LIMS1: variants seen among roughly 807,000 people sequenced by gnomAD.
The protein encoded by LIMS1 is LIM and senescent cell antigen-like-containing domain protein 1.
Under a neutral mutation model 44.1 loss-of-function variants are expected in LIMS1, and 18 were observed. The observed-to-expected ratio is 0.41, with a 90% CI of 0.28 to 0.61. LIMS1 has a LOEUF of 0.61. LIMS1 is among the 20% of genes least tolerant of loss of function. The probability of loss-of-function intolerance (pLI) is 0.32; values close to 1 mark genes in which losing one functional copy is unlikely to be tolerated. For synonymous variants in LIMS1, 93 were observed against 149.1 expected, an observed-to-expected ratio of 0.62 and a Z score of 2.74; for missense variants, 201 against 422.0, an observed-to-expected ratio of 0.48 and a Z score of 4.59.
chr2:108,659,170 T>C (rs2148966562), intron 1 of LIMS1: 2 of 964,024 alleles, frequency 2.1e-6, no homozygotes, highest in Non-Finnish European at 1.2e-6. Context: ...TGGCATTTAG[T>C]TGACATGCAT....
In LIMS1 at chr2:108,537,932, C is replaced by G. The variant is rs143026321; in HGVS notation, c.32+3338C>G. On this transcript the variant is annotated intron_variant, in intron 1 of 9. Coordinates refer to ENST00000544547, the Ensembl canonical transcript of LIMS1. ...GAGCCGAGCTTTACTCTGAAAGCCTCTATTTTCAATAATGTTGTGTTTGCT... is the reference window on the plus strand; with the variant it reads ...GAGCCGAGCTTTACTCTGAAAGCCTGTATTTTCAATAATGTTGTGTTTGCT... 5.0e-3 allele frequency among the ~76,000 whole-genome samples: 760 copies of G among 152,218 alleles called. 6 individuals are homozygous for G. The highest frequency in any genetic ancestry group is 7.6e-3 in the Non-Finnish European group (515 of 68,000).
intron 1 of LIMS1, among the ~76,000 whole-genome samples, chr2:108,613,302 G>C (rs1307548407): frequency 6.6e-6 from 1 of 152,134 alleles, no homozygotes; most frequent in Non-Finnish European, 1.5e-5. Flanking sequence ...TTTATTATTA[G>C]AGTCAAAGTA....
intron 1 of LIMS1, chr2:108,658,990 T>TGCATAATAAA: frequency 6.6e-6 from 1 of 152,314 alleles, no homozygotes; most frequent in East Asian, 1.9e-4. Flanking sequence ...ATGATCTTTA[T>TGCATAATAAA]TATGTAAAAT....
At chr2:108,590,591 C>T (rs950935489) in intron 1 of LIMS1, among the ~76,000 whole-genome samples, 1 of 152,210 alleles carries the variant, frequency 6.6e-6, no homozygotes, top group Admixed American at 6.5e-5. Context: ...GAACCCCCTT[C>T]AATTCTAAGA....
chr2:108,661,643 C>A (rs1397121615), intron 2 of LIMS1, among the ~76,000 whole-genome samples: 5 of 151,990 alleles, frequency 3.3e-5, no homozygotes, highest in Non-Finnish European at 5.9e-5. Context: ...ATAGGAAATC[C>A]CTAGGTGCTG....
At chr2:108,647,510 A>ACG (rs1690154838) in intron 1 of LIMS1, among the ~76,000 whole-genome samples, 1 of 152,210 alleles carries the variant, frequency 6.6e-6, no homozygotes, top group Admixed American at 6.5e-5. Flanking sequence ...AGACACAACA[A>ACG]AAAAAGAAAA....
intron 1 of LIMS1, among the ~76,000 whole-genome samples, chr2:108,562,388 G>C (rs2104613995): frequency 6.6e-6 from 1 of 152,318 alleles, no homozygotes; most frequent in East Asian, 1.9e-4. Context: ...TCTTGCACCA[G>C]TTAGCCAAGT....
chr2:108,644,720 C>T (rs1689945979), intron 1 of LIMS1, among the ~76,000 whole-genome samples: 1 of 151,968 alleles, frequency 6.6e-6, no homozygotes, highest in Non-Finnish European at 1.5e-5. Flanking sequence ...GGAACATGTG[C>T]TAACCCAATG....
chr2:108,546,694 A>G (rs1268284593), intron 1 of LIMS1, among the ~76,000 whole-genome samples: 1 of 137,446 alleles, frequency 7.3e-6, no homozygotes, highest in African/African-American at 2.9e-5. Context: ...TTTTTTTTTT[A>G]AAGACAATGG....
intron 1 of LIMS1, among the ~76,000 whole-genome samples, chr2:108,644,348 C>T (rs1346755461): frequency 6.6e-6 from 1 of 152,200 alleles, no homozygotes; most frequent in Non-Finnish European, 1.5e-5. Flanking sequence ...GATACCCAGG[C>T]AAACAGGGTC....
At chr2:108,536,024 A>G (rs1257868331) in intron 1 of LIMS1, among the ~76,000 whole-genome samples, 1 of 152,232 alleles carries the variant, frequency 6.6e-6, no homozygotes, top group Non-Finnish European at 1.5e-5. Context: ...CCTTAAAAAA[A>G]AGTATTGACT....
chr2:108,551,275 C>T (rs1289682630), intron 1 of LIMS1, among the ~76,000 whole-genome samples: 2 of 148,130 alleles, frequency 1.4e-5, no homozygotes, highest in African/African-American at 4.9e-5. Flanking sequence ...TTTCATCACT[C>T]CAAAGTTCAC....
intron 1 of LIMS1, among the ~76,000 whole-genome samples, chr2:108,540,450 G>A (rs1049368398): frequency 2.6e-5 from 4 of 151,960 alleles, no homozygotes; most frequent in South Asian, 2.1e-4. Flanking sequence ...TGCCCGCCTC[G>A]GCCTCCCAAA....
intron 1 of LIMS1, among the ~76,000 whole-genome samples, chr2:108,649,484 CAAAGG>C (rs1219251118): frequency 6.6e-6 from 1 of 152,110 alleles, no homozygotes; most frequent in African/African-American, 2.4e-5. Context: ...GGTATATACC[CAAAGG>C]ATTATAAATC....
intron 1 of LIMS1, among the ~76,000 whole-genome samples, chr2:108,581,314 G>C (rs1206974398): frequency 6.6e-6 from 1 of 152,200 alleles, no homozygotes; most frequent in African/African-American, 2.4e-5. Context: ...ATATGACTAA[G>C]TGACTAGGGG....
chr2:108,569,266 A>G (rs1685403165), intron 1 of LIMS1, among the ~76,000 whole-genome samples: 2 of 152,020 alleles, frequency 1.3e-5, no homozygotes. Context: ...TGATTTGCAA[A>G]TATTTTCTCC....
intron 1 of LIMS1, among the ~76,000 whole-genome samples, chr2:108,634,659 G>A (rs1214121695): frequency 6.6e-6 from 1 of 152,198 alleles, no homozygotes; most frequent in Non-Finnish European, 1.5e-5. Flanking sequence ...CACCACAAAT[G>A]TCCTGAAATC....
At chr2:108,612,433 C>T (rs535644766) in intron 1 of LIMS1, among the ~76,000 whole-genome samples, 18 of 150,970 alleles carry the variant, frequency 1.2e-4, no homozygotes, top group African/African-American at 1.7e-4. Context: ...TTGGTTTCAG[C>T]GTAGTTGCTA....
exon 1 of LIMS1, chr2:108,534,505 G>A (rs1291467734): frequency 2.4e-5 from 28 of 1,177,958 alleles, no homozygotes; most frequent in Non-Finnish European, 3.0e-5. Flanking sequence ...CTAGGACGCG[G>A]CTGGAGCGGC....
Sources: allele counts gnomAD v4.1 joint callset (sites outside exome capture counted in the v4.1 genomes callset), GRCh38; gene constraint gnomAD v4.1.1; transcripts MANE v1.5; gene names NCBI Gene and HGNC (gene_info 2026-07-23, HGNC 2026-07-21).